The following PTPRG variants were observed in gnomAD, a reference collection of about 807,000 sequenced individuals.
PTPRG encodes the protein protein tyrosine phosphatase receptor type G.
A neutral mutation model predicts 165.3 loss-of-function variants in PTPRG; 102 were observed. The observed-to-expected ratio is 0.62, with a 90% CI of 0.53 to 0.73. PTPRG has a LOEUF of 0.73. PTPRG is among the 30% of genes least tolerant of loss of function. PTPRG has a pLI of 0.00. For missense variants in PTPRG, 1,866 were observed against 1,861.4 expected, an observed-to-expected ratio of 1.00 and a Z score of -0.05; for synonymous variants, 675 against 669.5, an observed-to-expected ratio of 1.01 and a Z score of -0.13.
At chr3:61,816,632 C>T (rs188020849) in intron 2 of PTPRG, among the ~76,000 whole-genome samples, 1 of 152,278 alleles carries the variant, frequency 6.6e-6, no homozygotes, top group East Asian at 1.9e-4. Context: ...CCTTGGACAT[C>T]TTCTCCCACA....
chr3:62,261,216 G>A (rs1301453076), intron 16 of PTPRG: 4 of 152,176 alleles, frequency 2.6e-5, no homozygotes, highest in Non-Finnish European at 5.9e-5. Context: ...CATGCCAAAG[G>A]TGTGACCTTC....
chr3:62,120,203 G>A (rs1250841850), intron 5 of PTPRG, among the ~76,000 whole-genome samples: 1 of 152,146 alleles, frequency 6.6e-6, no homozygotes, highest in South Asian at 2.1e-4. Context: ...AGCAGAGAAA[G>A]CAGGCAAACC....
At chr3:61,689,787 G>A (rs1276668383) in intron 1 of PTPRG, among the ~76,000 whole-genome samples, 2 of 152,124 alleles carry the variant, frequency 1.3e-5, no homozygotes, top group Admixed American at 6.5e-5. Flanking sequence ...TGACAAAATA[G>A]AAGAAATCTA....
intron 2 of PTPRG, among the ~76,000 whole-genome samples, chr3:61,851,637 A>G (rs2036967080): frequency 6.6e-6 from 1 of 152,242 alleles, no homozygotes; most frequent in Non-Finnish European, 1.5e-5. Context: ...ATTAGGGTGA[A>G]GTACACTTAA....
intron 2 of PTPRG, among the ~76,000 whole-genome samples, chr3:61,821,981 A>G (rs923238196): frequency 6.6e-6 from 1 of 152,238 alleles, no homozygotes; most frequent in African/African-American, 2.4e-5. Flanking sequence ...TCTCAAATGC[A>G]TCATAGTAAT....
intron 1 of PTPRG, among the ~76,000 whole-genome samples, chr3:61,745,280 C>G (rs2033155023): frequency 6.6e-6 from 1 of 152,118 alleles, no homozygotes; most frequent in Non-Finnish European, 1.5e-5. Context: ...ATCTCTTGAC[C>G]TCATGATCCG....
At chr3:61,876,060 GC>G (rs1205585610) in intron 2 of PTPRG, among the ~76,000 whole-genome samples, 1 of 152,218 alleles carries the variant, frequency 6.6e-6, no homozygotes, top group East Asian at 1.9e-4. Context: ...GCATTTGGTA[GC>G]CCAATATCAG....
At chr3:62,094,977 T>C (rs1208031443) in intron 5 of PTPRG, among the ~76,000 whole-genome samples, 2 of 152,242 alleles carry the variant, frequency 1.3e-5, no homozygotes, top group African/African-American at 4.8e-5. Flanking sequence ...TAATCTACCT[T>C]CTGTGCCTTT....
At chr3:61,598,799 GC>G (rs1700766589) in intron 1 of PTPRG, among the ~76,000 whole-genome samples, 1 of 152,086 alleles carries the variant, frequency 6.6e-6, no homozygotes, top group African/African-American at 2.4e-5. Context: ...TCTGTTCCGT[GC>G]CCTCCCCTAG....
Position 62,031,551 on chromosome 3 carries a change from AGAAG to A in PTPRG, c.519+28059_519+28062del, listed in dbSNP as rs60061835. Reference sequence around the variant, plus strand: ...ATGAGAATCCTTCGAAGCGTTCTGAAGAAGGAAGTAGCGCAGTGAGCTACCTGAT... The same window carrying A: ...ATGAGAATCCTTCGAAGCGTTCTGAAGAAGTAGCGCAGTGAGCTACCTGAT... On this transcript the variant is annotated intron_variant, in intron 4 of 29. Transcript: ENST00000474889. Among the ~76,000 whole-genome samples, 82 of 152,324 alleles carry A rather than the reference AGAAG, an allele frequency of 5.4e-4. 1 individual carries two copies. The highest frequency in any genetic ancestry group is 1.9e-3 in the African/African-American group (80 of 41,568).
chr3:61,815,882 T>A (rs2035748110), intron 2 of PTPRG, among the ~76,000 whole-genome samples: 1 of 152,188 alleles, frequency 6.6e-6, no homozygotes, highest in Admixed American at 6.5e-5. Flanking sequence ...GTTTGGAAAT[T>A]CTAGAATGGA....
chr3:62,163,593 G>C (rs1704851919), intron 7 of PTPRG, among the ~76,000 whole-genome samples: 1 of 152,168 alleles, frequency 6.6e-6, no homozygotes, highest in Non-Finnish European at 1.5e-5. Flanking sequence ...TAAATATAAG[G>C]GGGATAAGGA....
chr3:61,998,628 G>T lies in PTPRG; in HGVS notation c.371-4721G>T, dbSNP rs1342503123. On this transcript the variant is annotated intron_variant, in intron 3 of 29. Transcript: ENST00000474889. ...CCCCATGCTCAGAAATTTACTTCTTGTATCAAGAAGGTATAGACCTCCAGA... is the reference window on the plus strand; with the variant it reads ...CCCCATGCTCAGAAATTTACTTCTTTTATCAAGAAGGTATAGACCTCCAGA... 4.6e-5 allele frequency among the ~76,000 whole-genome samples: 7 copies of T among 152,300 alleles called. No individual in the cohort carries two copies. In the East Asian group the frequency reaches 1.2e-3, roughly 25 times the overall value.
chr3:61,845,733 T>C (rs1485304566), intron 2 of PTPRG, among the ~76,000 whole-genome samples: 1 of 152,238 alleles, frequency 6.6e-6, no homozygotes, highest in African/African-American at 2.4e-5. Flanking sequence ...TCATGTCTTA[T>C]AATGTATTTT....
chr3:62,094,437 C>T (rs964089528), intron 5 of PTPRG, among the ~76,000 whole-genome samples: 4 of 152,154 alleles, frequency 2.6e-5, no homozygotes, highest in African/African-American at 9.7e-5. Flanking sequence ...CTGCAGGTCG[C>T]TCTCTCCTGA....
chr3:61,856,140 A>C (rs1285184348), intron 2 of PTPRG, among the ~76,000 whole-genome samples: 1 of 151,968 alleles, frequency 6.6e-6, no homozygotes, highest in East Asian at 1.9e-4. Flanking sequence ...GGGTCTTTTA[A>C]ATTGTAAAAT....
intron 2 of PTPRG, among the ~76,000 whole-genome samples, chr3:61,863,076 G>C (rs1462496960): frequency 6.6e-6 from 1 of 152,186 alleles, no homozygotes; most frequent in Non-Finnish European, 1.5e-5. Context: ...ATGCAGTGCA[G>C]TTGTCTTGAA....
intron 2 of PTPRG, among the ~76,000 whole-genome samples, chr3:61,973,003 G>A (rs1036850116): frequency 2.6e-5 from 4 of 151,990 alleles, no homozygotes; most frequent in East Asian, 1.9e-4. Flanking sequence ...TGTGCTGTCC[G>A]GGAGGGAGTT....
At chr3:62,155,456 G>A (rs533858465) in intron 6 of PTPRG, among the ~76,000 whole-genome samples, 9 of 152,214 alleles carry the variant, frequency 5.9e-5, no homozygotes, top group Admixed American at 3.3e-4. Context: ...TCTGCATCCC[G>A]GCTCTGTAAA....
Sources: allele counts gnomAD v4.1 joint callset (sites outside exome capture counted in the v4.1 genomes callset), GRCh38; gene constraint gnomAD v4.1.1; transcripts MANE v1.5; gene names NCBI Gene and HGNC (gene_info 2026-07-23, HGNC 2026-07-21).